The following TMEM117 variants were observed in gnomAD, a reference collection of about 807,000 sequenced individuals.
TMEM117 encodes transmembrane protein 117.
TMEM117 carries 27 observed loss-of-function variants against 52.4 expected under a neutral mutation model. That is an observed-to-expected ratio of 0.51 (90% confidence interval 0.38 to 0.71). TMEM117 has a LOEUF of 0.71. TMEM117 is among the 30% of genes least tolerant of loss of function. TMEM117 has a pLI of 0.00. For missense variants in TMEM117, 556 were observed against 630.5 expected, an observed-to-expected ratio of 0.88 and a Z score of 1.26; for synonymous variants, 215 against 206.3, an observed-to-expected ratio of 1.04 and a Z score of -0.36.
chr12:44,110,370 A>G (rs1289030809), intron 3 of TMEM117, among the ~76,000 whole-genome samples: 1 of 76,478 alleles, frequency 1.3e-5, no homozygotes, highest in African/African-American at 5.6e-5. Flanking sequence ...ATTATTTTGA[A>G]ATACGTCCCA....
At chr12:43,946,631 A>G (rs987273943) in intron 3 of TMEM117, among the ~76,000 whole-genome samples, 1 of 152,152 alleles carries the variant, frequency 6.6e-6, no homozygotes, top group South Asian at 2.1e-4. Flanking sequence ...TATTACCTCC[A>G]TTTTGCAGAT....
At chr12:43,812,859 C>CAA in the TMEM117 span, among the ~76,000 whole-genome samples, 156 of 111,242 alleles carry the variant, frequency 1.4e-3, 1 homozygote, top group East Asian at 4.8e-3. Context: ...ACAAAAAGTA[C>CAA]AAAAAAAAAA....
intron 3 of TMEM117, among the ~76,000 whole-genome samples, chr12:43,976,414 G>A (rs1485636517): frequency 2.0e-5 from 3 of 152,030 alleles, no homozygotes; most frequent in African/African-American, 4.8e-5. Context: ...CCCTAAGCTG[G>A]CAACGCTCAC....
At chr12:44,116,195 T>TTATA (rs1356227644) in intron 3 of TMEM117, among the ~76,000 whole-genome samples, 3 of 152,232 alleles carry the variant, frequency 2.0e-5, no homozygotes, top group African/African-American at 7.2e-5. Flanking sequence ...GAATTTCTTA[T>TTATA]TATATTCTGT....
intron 1 of TMEM117, among the ~76,000 whole-genome samples, chr12:43,838,570 G>C (rs1399369282): frequency 1.5e-5 from 2 of 135,000 alleles, no homozygotes; most frequent in Non-Finnish European, 3.1e-5. Flanking sequence ...CACCCAGGCT[G>C]GTCTGTTACG....
chr12:43,967,813 A>G (rs79112229), intron 3 of TMEM117, among the ~76,000 whole-genome samples: 1,765 of 152,346 alleles, frequency 0.012, 40 homozygotes, highest in East Asian at 0.069. Context: ...ATTCCCTAGC[A>G]GTGGATAACT....
chr12:44,156,252 T>C (rs1413785181), intron 4 of TMEM117, among the ~76,000 whole-genome samples: 2 of 152,112 alleles, frequency 1.3e-5, no homozygotes, highest in Non-Finnish European at 2.9e-5. Context: ...TAGTTTCTCA[T>C]CAGGAAAGTG....
intron 5 of TMEM117, among the ~76,000 whole-genome samples, chr12:44,257,864 T>C (rs1388428670): frequency 6.6e-6 from 1 of 152,158 alleles, no homozygotes; most frequent in African/African-American, 2.4e-5. Flanking sequence ...CACATATGTT[T>C]TTGGATTTTG....
intron 2 of TMEM117, among the ~76,000 whole-genome samples, chr12:43,939,417 T>C (rs974677523): frequency 6.6e-6 from 1 of 152,214 alleles, no homozygotes; most frequent in Admixed American, 6.5e-5. Context: ...CCATACTTTT[T>C]CCTCTAAATT....
chr12:43,864,983 G>A (rs1943562042), intron 2 of TMEM117, among the ~76,000 whole-genome samples: 1 of 151,896 alleles, frequency 6.6e-6, no homozygotes, highest in Non-Finnish European at 1.5e-5. Flanking sequence ...GCCACCTTAA[G>A]AGAGCTGTAA....
intron 2 of TMEM117, among the ~76,000 whole-genome samples, chr12:43,904,237 C>G (rs533523144): frequency 6.6e-6 from 1 of 152,208 alleles, no homozygotes; most frequent in East Asian, 1.9e-4. Flanking sequence ...AGGCCAGACA[C>G]GGTGGCTCAT....
At chr12:43,891,367 A>ATTTTTTTTTTTTTTTTTTTTTTTTTTT (rs772754829) in intron 2 of TMEM117, among the ~76,000 whole-genome samples, 1 of 57,802 alleles carries the variant, frequency 1.7e-5, no homozygotes, top group Non-Finnish European at 3.1e-5. Flanking sequence ...TACCTCTTGA[A>ATTTTTTTTTTTTTTTTTTTTTTTTTTT]TTTTTTTTTT....
intron 7 of TMEM117, among the ~76,000 whole-genome samples, chr12:44,379,145 A>AGGAGGGAGGGAAGAAAGGAAGGAG (rs1279165429): frequency 4.0e-5 from 6 of 150,644 alleles, no homozygotes; most frequent in Non-Finnish European, 7.4e-5. Context: ...AGGAAGAAAG[A>AGGAGGGAGGGAAGAAAGGAAGGAG]GGAGGGAGGG....
At chr12:44,360,136 T>C (rs2138805792) in intron 6 of TMEM117, among the ~76,000 whole-genome samples, 1 of 152,310 alleles carries the variant, frequency 6.6e-6, no homozygotes, top group African/African-American at 2.4e-5. Flanking sequence ...GTGTGTATAC[T>C]AATACCTAAA....
At position 43,965,917 on chromosome 12, in the gene TMEM117, A is replaced by C. The variant is rs544025966; in HGVS notation, c.410+21575A>C. Among the ~76,000 whole-genome samples, 6 of 152,258 alleles carry C rather than the reference A, an allele frequency of 3.9e-5. No homozygotes were observed. In the South Asian group the frequency reaches 1.2e-3, roughly 32 times the overall value. On this transcript the variant is annotated intron_variant, in intron 3 of 7. Coordinates refer to ENST00000266534, the MANE Select transcript of TMEM117 (RefSeq NM_032256.3). The stretch of plus-strand genomic sequence containing the variant: ...GCCCCACTCCATCTCTCCACCTGCT[A>C]GTAGTCCCTAATGTCTACTGTTGCC...
At chr12:43,899,020 A>G (rs1394866072) in intron 2 of TMEM117, among the ~76,000 whole-genome samples, 3 of 152,232 alleles carry the variant, frequency 2.0e-5, no homozygotes, top group Admixed American at 1.3e-4. Flanking sequence ...CAGATAACCA[A>G]GTGTTAAGGC....
intron 4 of TMEM117, among the ~76,000 whole-genome samples, chr12:44,165,778 G>A (rs879772533): frequency 6.6e-6 from 1 of 152,062 alleles, no homozygotes; most frequent in Non-Finnish European, 1.5e-5. Context: ...ATAACAGTTG[G>A]GGACTTTAAC....
At chr12:43,912,034 A>G (rs1378601833) in intron 2 of TMEM117, among the ~76,000 whole-genome samples, 1 of 121,136 alleles carries the variant, frequency 8.3e-6, no homozygotes, top group Non-Finnish European at 1.8e-5. Flanking sequence ...GCTGCTATAA[A>G]GACACATGCA....
intron 3 of TMEM117, among the ~76,000 whole-genome samples, chr12:44,023,890 C>T (rs1258566064): frequency 6.6e-6 from 1 of 151,564 alleles, no homozygotes. Context: ...GTACAGCACA[C>T]CAACATGGCA....
Sources: allele counts gnomAD v4.1 joint callset (sites outside exome capture counted in the v4.1 genomes callset), GRCh38; gene constraint gnomAD v4.1.1; transcripts MANE v1.5; gene names NCBI Gene and HGNC (gene_info 2026-07-23, HGNC 2026-07-21).